Variants in NBEA observed in about 807,000 individuals in gnomAD.
NBEA encodes the protein neurobeachin, also known as lysosomal-trafficking regulator 2.
NBEA carries 44 observed loss-of-function variants against 343.4 expected under a neutral mutation model. The ratio of observed to expected loss-of-function variants is 0.13; its 90% confidence interval spans 0.10 to 0.16. NBEA has a LOEUF of 0.16. Among genes scored for constraint, NBEA ranks in the 10% least tolerant of loss-of-function variants. The pLI is 1.00. For synonymous variants in NBEA, 1,175 were observed against 1,238.7 expected (o/e 0.95, Z 1.08); for missense variants, 2,555 against 3,631.3 (o/e 0.70, Z 7.62).
chr13:35,293,654 T>C (rs907382327), intron 35 of NBEA, among the ~76,000 whole-genome samples: 1 of 152,056 alleles, frequency 6.6e-6, no homozygotes, highest in African/African-American at 2.4e-5. Flanking sequence ...TTTGTGCTTA[T>C]TGGTTTATTA....
chr13:35,322,968 G>A (rs956953882), intron 36 of NBEA, among the ~76,000 whole-genome samples: 4 of 152,024 alleles, frequency 2.6e-5, no homozygotes, highest in Non-Finnish European at 5.9e-5. Flanking sequence ...TCCCAACTCA[G>A]CCTCCCAAGT....
chr13:35,092,189 T>C (rs529454681), intron 10 of NBEA, among the ~76,000 whole-genome samples: 3 of 151,894 alleles, frequency 2.0e-5, no homozygotes, highest in Non-Finnish European at 2.9e-5. Context: ...GCCAAACAAA[T>C]GTGCTTTGAC....
At position 35,671,547 on chromosome 13, in the gene NBEA, TG is replaced by T. The variant is rs2085616079; in HGVS notation, c.*558del. On this transcript the variant is annotated 3_prime_UTR_variant, in exon 59 of 59. Transcript: ENST00000379939. ...ATGTTCCTTACTCCTGTTGGCTTGA[TG>T]GAACAGGTGCATTCACACTATGAAA... 6.5e-6 allele frequency: 1 copy of T among 153,026 alleles called. No homozygotes were observed. The highest frequency in any genetic ancestry group is 2.4e-5 in the African/African-American group (1 of 41,476). 9.5% of individuals were successfully genotyped at this position (153,026 alleles called of 1,614,324 possible). A position where few individuals can be genotyped will look rare whatever the true frequency, so the allele number is the denominator to read the frequency against.
chr13:35,565,049 A>G (rs1273373362), intron 44 of NBEA, among the ~76,000 whole-genome samples: 1 of 152,206 alleles, frequency 6.6e-6, no homozygotes, highest in Non-Finnish European at 1.5e-5. Flanking sequence ...GTAAACAGCA[A>G]TGTATATCAG....
At chr13:35,371,568 T>C (rs1453121913) in intron 38 of NBEA, among the ~76,000 whole-genome samples, 1 of 152,136 alleles carries the variant, frequency 6.6e-6, no homozygotes, top group East Asian at 1.9e-4. Context: ...CTGAGTTTCT[T>C]GAATATCATT....
chr13:35,582,425 A>G (rs2081097137), intron 45 of NBEA, among the ~76,000 whole-genome samples: 1 of 152,324 alleles, frequency 6.6e-6, no homozygotes, highest in Middle Eastern at 3.4e-3. Flanking sequence ...TTAAGATTTT[A>G]TGTAATGTTT....
intron 1 of NBEA, among the ~76,000 whole-genome samples, chr13:34,986,536 A>C (rs955311421): frequency 9.9e-5 from 15 of 150,882 alleles, no homozygotes; most frequent in Non-Finnish European, 1.2e-4. Flanking sequence ...AGAGTTCTGT[A>C]GATGTCTATT....
chr13:35,379,022 A>G (rs2041880880), intron 38 of NBEA, among the ~76,000 whole-genome samples: 1 of 151,820 alleles, frequency 6.6e-6, no homozygotes, highest in African/African-American at 2.4e-5. Flanking sequence ...AACTGAATAT[A>G]TTTATTGTAC....
intron 38 of NBEA, among the ~76,000 whole-genome samples, chr13:35,392,724 C>T (rs923415870): frequency 6.6e-6 from 1 of 152,110 alleles, no homozygotes; most frequent in Non-Finnish European, 1.5e-5. Context: ...ATCAAAGCTG[C>T]CGTGAGACCT....
chr13:35,173,706 G>A, intron 27 of NBEA, 112 bp downstream of exon 27: 1 of 1,010,586 alleles, frequency 9.9e-7, no homozygotes, highest in Non-Finnish European at 1.4e-6. Context: ...CAAGGACATT[G>A]TCATTAGGCA....
intron 39 of NBEA, among the ~76,000 whole-genome samples, chr13:35,435,021 GT>G (rs1407712348): frequency 2.6e-5 from 4 of 151,986 alleles, no homozygotes; most frequent in Non-Finnish European, 5.9e-5. Context: ...ACATTTGTTT[GT>G]TTGTTTTTGT....
intron 38 of NBEA, among the ~76,000 whole-genome samples, chr13:35,386,781 T>G (rs993413746): frequency 6.6e-6 from 1 of 152,134 alleles, no homozygotes; most frequent in Non-Finnish European, 1.5e-5. Flanking sequence ...ATTGAGTTTT[T>G]TATGGTTGTT....
intron 31 of NBEA, 51 bp from the exon 32 acceptor site, chr13:35,208,649 A>G: frequency 3.6e-6 from 5 of 1,405,918 alleles, no homozygotes; most frequent in East Asian, 2.4e-5. Context: ...CAGGATTATA[A>G]TTCATCTTCA....
At chr13:35,496,631 CAAAAAAAAA>C (rs3075499) in intron 41 of NBEA, among the ~76,000 whole-genome samples, 27 of 105,240 alleles carry the variant, frequency 2.6e-4, no homozygotes, top group African/African-American at 4.1e-4. Context: ...GAGATTCTGT[CAAAAAAAAA>C]AAAAAAAAAA....
At chr13:35,521,284 C>G (rs919251525) in intron 41 of NBEA, among the ~76,000 whole-genome samples, 5 of 152,066 alleles carry the variant, frequency 3.3e-5, no homozygotes, top group Admixed American at 3.3e-4. Flanking sequence ...GTCAAAAACC[C>G]TGCAGGAAAA....
In NBEA at chr13:35,671,155, T is replaced by G; in HGVS notation, c.*164T>G. The G allele has an allele frequency of 1.8e-6, 1 of 568,862 alleles. No individual in the cohort carries two copies. 35.2% of individuals were successfully genotyped at this position (568,862 alleles called of 1,614,324 possible). ...TGTAGTCAGCAACCATTTTACTTTG[T>G]GTGTTTTTTCACGACTGAACACCAG... On this transcript the variant is annotated 3_prime_UTR_variant, in exon 59 of 59. Coordinates refer to ENST00000379939, the MANE Select transcript of NBEA (RefSeq NM_001385012.1).
At chr13:35,174,328 AC>A (rs2070706161) in intron 27 of NBEA, among the ~76,000 whole-genome samples, 1 of 151,758 alleles carries the variant, frequency 6.6e-6, no homozygotes, top group South Asian at 2.1e-4. Context: ...GTTTTTTGAC[AC>A]CCTCGCTACC....
chr13:35,350,201 T>C (rs1290357358), intron 37 of NBEA, among the ~76,000 whole-genome samples: 1 of 152,156 alleles, frequency 6.6e-6, no homozygotes, highest in Non-Finnish European at 1.5e-5. Context: ...TATAAGCAGA[T>C]CAATATTTGT....
At chr13:35,553,697 A>G (rs533778199) in intron 43 of NBEA, among the ~76,000 whole-genome samples, 8 of 152,320 alleles carry the variant, frequency 5.3e-5, no homozygotes, top group African/African-American at 1.9e-4. Flanking sequence ...CATGTTAATA[A>G]TCCATGAGTA....
Sources: allele counts gnomAD v4.1 joint callset (sites outside exome capture counted in the v4.1 genomes callset), GRCh38; gene constraint gnomAD v4.1.1; transcripts MANE v1.5; gene names NCBI Gene and HGNC (gene_info 2026-07-23, HGNC 2026-07-21).